The following MYLK variants were observed in gnomAD, a reference collection of about 807,000 sequenced individuals.
MYLK encodes myosin light chain kinase.
MYLK carries 106 observed loss-of-function variants against 203.4 expected under a neutral mutation model. The observed-to-expected ratio is 0.52, with a 90% CI of 0.45 to 0.61. MYLK has a LOEUF of 0.61. Among genes scored for constraint, MYLK ranks in the 20% least tolerant of loss-of-function variants. MYLK has a pLI of 0.00. For missense variants in MYLK, 2,072 were observed against 2,442.3 expected (o/e 0.85, Z 3.20); for synonymous variants, 867 against 959.5 (o/e 0.90, Z 1.78).
intron 4 of MYLK, among the ~76,000 whole-genome samples, chr3:123,758,026 T>C (rs2063413512): frequency 6.6e-6 from 1 of 150,870 alleles, no homozygotes; most frequent in African/African-American, 2.4e-5. Context: ...ATAAGCTCAC[T>C]CAGATAATAA....
rs1051638785 is a variant in MYLK, at chr3:123,744,078, C to G, written c.374-4077G>C. Among the ~76,000 whole-genome samples, 3 of 5,824 alleles carry G rather than the reference C, an allele frequency of 5.2e-4. No homozygotes were observed. The East Asian group carries it at 0.3, about 582-fold the overall frequency. The allele number at this position is 5,824 out of a possible 152,430, so 3.8% of individuals were successfully genotyped here. ...GAACAAATATCCGCTTTTTATAACA[C>G]GTATTAACTGATATCCCCATGCGAC... On this transcript the variant is annotated intron_variant, in intron 5 of 33. Transcript: ENST00000360304.
In MYLK at chr3:123,610,898, G is replaced by A. The variant is rs1320313005; in HGVS notation, c.*3207C>T. On this transcript the variant is annotated 3_prime_UTR_variant, in exon 34 of 34. Transcript: ENST00000360304. The stretch of plus-strand genomic sequence containing the variant: ...CAACAGTCAGCATGTCTTATTAGTT[G>A]CATGTAGGAAATATCTTTTAATAAG... 6.6e-6 allele frequency: 1 copy of A among 152,148 alleles called. No homozygotes were observed. Among genetic ancestry groups the A allele is most frequent in the Non-Finnish European group, 1.5e-5 (1 of 68,020 alleles). 9.4% of individuals were successfully genotyped at this position (152,148 alleles called of 1,614,324 possible).
intron 2 of MYLK, among the ~76,000 whole-genome samples, chr3:123,861,679 G>A (rs1207821873): frequency 2.0e-5 from 3 of 152,066 alleles, no homozygotes; most frequent in Non-Finnish European, 4.4e-5. Context: ...TTGAGCTCCC[G>A]GTGGGCAGGA....
chr3:123,691,477 A>G (rs2060663712), intron 19 of MYLK: 1 of 152,248 alleles, frequency 6.6e-6, no homozygotes, highest in African/African-American at 2.4e-5. Flanking sequence ...AGATGAGTTC[A>G]GCTTACCTTT....
intron 4 of MYLK, among the ~76,000 whole-genome samples, chr3:123,771,392 CCTT>C (rs2063877329): frequency 6.6e-6 from 1 of 152,150 alleles, no homozygotes; most frequent in Non-Finnish European, 1.5e-5. Context: ...TATTTTCTGT[CCTT>C]CTTTGAATGG....
At chr3:123,817,660 A>C (rs993890060) in intron 3 of MYLK, among the ~76,000 whole-genome samples, 1 of 152,206 alleles carries the variant, frequency 6.6e-6, no homozygotes, top group Non-Finnish European at 1.5e-5. Context: ...AGTGGGCCTC[A>C]TGTGTGCAAC....
At chr3:123,831,504 G>T in intron 3 of MYLK, 44 bp downstream of exon 3, 2 of 1,106,450 alleles carry the variant, frequency 1.8e-6, no homozygotes, top group Non-Finnish European at 2.4e-6. Flanking sequence ...AGGGTGGACT[G>T]AGGAGGAATG....
intron 2 of MYLK, among the ~76,000 whole-genome samples, chr3:123,869,469 T>G (rs573058850): frequency 2.0e-4 from 30 of 152,258 alleles, no homozygotes; most frequent in African/African-American, 7.0e-4. Flanking sequence ...ACCTAAGGCA[T>G]CATCCAGACC....
At chr3:123,767,887 C>T (rs2063756888) in intron 4 of MYLK, among the ~76,000 whole-genome samples, 1 of 152,192 alleles carries the variant, frequency 6.6e-6, no homozygotes, top group Non-Finnish European at 1.5e-5. Flanking sequence ...AAAGGGCCAG[C>T]TTCGGGTTAG....
intron 20 of MYLK, among the ~76,000 whole-genome samples, chr3:123,670,756 GAA>G (rs1212484918): frequency 1.3e-5 from 2 of 152,124 alleles, no homozygotes; most frequent in African/African-American, 4.8e-5. Flanking sequence ...AAAAAAGAAA[GAA>G]AATTAAAAAT....
At chr3:123,755,088 T>A (rs2063322074) in intron 4 of MYLK, among the ~76,000 whole-genome samples, 1 of 152,232 alleles carries the variant, frequency 6.6e-6, no homozygotes, top group African/African-American at 2.4e-5. Context: ...ATACAGTGAA[T>A]CTGCAAACCA....
At chr3:123,832,516 A>C (rs1161963257) in intron 2 of MYLK, among the ~76,000 whole-genome samples, 1 of 152,192 alleles carries the variant, frequency 6.6e-6, no homozygotes, top group African/African-American at 2.4e-5. Context: ...GCTGTTTTTG[A>C]ATGTTTTCTG....
intron 4 of MYLK, among the ~76,000 whole-genome samples, chr3:123,785,095 T>C (rs968563694): frequency 1.3e-5 from 2 of 152,374 alleles, no homozygotes; most frequent in East Asian, 3.9e-4. Context: ...ATCTCAAATA[T>C]ATGGCTGAAG....
intron 1 of MYLK, among the ~76,000 whole-genome samples, chr3:123,881,416 C>G (rs781650018): frequency 6.2e-4 from 95 of 152,142 alleles, no homozygotes; most frequent in Non-Finnish European, 1.6e-4. Context: ...AGTGTTGTTT[C>G]TAAATTTTAC....
At chr3:123,667,057 G>A in intron 21 of MYLK, 80 bp downstream of exon 21, 1 of 1,284,140 alleles carries the variant, frequency 7.8e-7, no homozygotes, top group Non-Finnish European at 1.1e-6. Context: ...CACATACCCA[G>A]GTGTCAGTCT....
intron 18 of MYLK, chr3:123,699,002 C>G (rs1283988730): frequency 3.9e-5 from 6 of 152,364 alleles, no homozygotes; most frequent in East Asian, 1.9e-4. Context: ...CCGGCTTCTT[C>G]TGTGGCTGCC....
At chr3:123,705,447 A>T (rs1202653213) in intron 16 of MYLK, among the ~76,000 whole-genome samples, 1 of 152,200 alleles carries the variant, frequency 6.6e-6, no homozygotes. Flanking sequence ...CAGAGCCATA[A>T]GGAATGGAAG....
chr3:123,875,248 C>T (rs781082846), intron 2 of MYLK, among the ~76,000 whole-genome samples: 3 of 152,162 alleles, frequency 2.0e-5, no homozygotes, highest in Admixed American at 6.5e-5. Context: ...GGTAAACACA[C>T]GGTGATACGT....
At chr3:123,765,530 C>CAA (rs566247292) in intron 4 of MYLK, among the ~76,000 whole-genome samples, 21 of 90,904 alleles carry the variant, frequency 2.3e-4, no homozygotes, top group African/African-American at 7.6e-4. Context: ...GATTCCACCT[C>CAA]AAAAAAAAAA....
Sources: gnomAD v4.1 joint callset for allele counts (sites outside exome capture counted in the v4.1 genomes callset) on GRCh38, gnomAD v4.1.1 for gene constraint, MANE v1.5 for transcripts, NCBI Gene and HGNC (gene_info 2026-07-23, HGNC 2026-07-21) for gene names.